The following SCN2A variants were observed in gnomAD, a reference collection of about 807,000 sequenced individuals.
The protein encoded by SCN2A is sodium channel protein type 2 subunit alpha.
A neutral mutation model predicts 188.7 loss-of-function variants in SCN2A; 20 were observed. The ratio of observed to expected loss-of-function variants is 0.11; its 90% CI spans 0.07 to 0.15. The LOEUF (loss-of-function observed/expected upper bound fraction) is 0.15. Ranked by LOEUF, SCN2A falls within the 10% of genes least tolerant of loss-of-function variation. The pLI, the probability that SCN2A is intolerant of heterozygous loss-of-function variation, is 1.00. For missense variants in SCN2A, 1,278 were observed against 2,445.0 expected (o/e 0.52, Z 10.07); for synonymous variants, 804 against 833.1 (o/e 0.97, Z 0.60).
Position 165,342,929 on chromosome 2 carries a change from G to C in SCN2A, c.2562+460G>C, listed in dbSNP as rs367836780. ...CAGGGGATAGTGTACAAAGGAGAAG[G>C]ATAAGCAAACAGAGCTCCCCATATG... On this transcript the variant is annotated intron_variant, in intron 15 of 26. Coordinates refer to ENST00000375437, the MANE Select transcript of SCN2A (RefSeq NM_001040142.2). Among the ~76,000 whole-genome samples, 5 of 152,102 alleles carry C rather than the reference G, an allele frequency of 3.3e-5. No individual in the cohort carries two copies. The South Asian group carries it at 1.0e-3, about 32-fold the overall frequency.
At chr2:165,315,430 T>A (rs1159911231) in intron 10 of SCN2A, 41 bp from the exon 11 acceptor site, 1 of 1,612,040 alleles carries the variant, frequency 6.2e-7, no homozygotes, top group East Asian at 2.2e-5. Flanking sequence ...AATTACTTTT[T>A]AAGTTTATAT....
At chr2:165,365,810 A>G (rs928752900) in intron 18 of SCN2A, among the ~76,000 whole-genome samples, 1 of 152,186 alleles carries the variant, frequency 6.6e-6, no homozygotes, top group African/African-American at 2.4e-5. Flanking sequence ...AAAAATGCCA[A>G]AATATACTAT....
At chr2:165,273,728 C>CT (rs1695202859) in intron 1 of SCN2A, 1 of 152,044 alleles carries the variant, frequency 6.6e-6, no homozygotes, top group Admixed American at 6.6e-5. Flanking sequence ...AATGATGATG[C>CT]TTTGCTTTTG....
At chr2:165,381,047 C>G (rs1206978547) in intron 24 of SCN2A, 46 bp from the exon 25 acceptor site, 1 of 1,322,538 alleles carries the variant, frequency 7.6e-7, no homozygotes, top group South Asian at 1.3e-5. Context: ...GATTTTATAG[C>G]CAGCAAAGAA....
At chr2:165,255,544 G>C (rs1255346495) in intron 1 of SCN2A, among the ~76,000 whole-genome samples, 1 of 151,804 alleles carries the variant, frequency 6.6e-6, no homozygotes, top group East Asian at 1.9e-4. Context: ...TTAAAATATG[G>C]CTCTATGGTT....
intron 13 of SCN2A, among the ~76,000 whole-genome samples, chr2:165,330,317 C>T (rs551144520): frequency 6.6e-4 from 100 of 152,278 alleles, no homozygotes; most frequent in Non-Finnish European, 6.9e-4. Context: ...ACAAATTCTG[C>T]ATATTTTTCC....
intron 1 of SCN2A, among the ~76,000 whole-genome samples, chr2:165,244,420 T>C (rs540367785): frequency 6.6e-6 from 1 of 152,264 alleles, no homozygotes; most frequent in African/African-American, 2.4e-5. Flanking sequence ...ATAATTTTTT[T>C]TTCTGGTAAT....
At chr2:165,377,754 TA>T in intron 23 of SCN2A, 104 bp downstream of exon 23, 1 of 884,240 alleles carries the variant, frequency 1.1e-6, no homozygotes, top group Non-Finnish European at 1.8e-6. Flanking sequence ...GTGCTTAATT[TA>T]TAAAACCCAT....
At chr2:165,295,499 G>T (rs577463422) in intron 1 of SCN2A, among the ~76,000 whole-genome samples, 2 of 152,178 alleles carry the variant, frequency 1.3e-5, no homozygotes, top group Non-Finnish European at 2.9e-5. Flanking sequence ...GCTCTGAATT[G>T]CATATTTTCC....
intron 16 of SCN2A, 118 bp downstream of exon 16, chr2:165,345,029 T>C (rs1699497768): frequency 2.4e-6 from 3 of 1,256,628 alleles, no homozygotes; most frequent in East Asian, 2.4e-5. Flanking sequence ...TATTGTCTAT[T>C]ACTCATGACT....
rs1055219978 is a variant in SCN2A, at chr2:165,331,514, G to A, written c.2334G>A (p.Met778Ile). The A allele has an allele frequency of 3.7e-6, 6 of 1,613,646 alleles. No individual in the cohort carries two copies. The highest frequency in any genetic ancestry group is 1.7e-5 in the Admixed American group (1 of 59,928). ...TCTTAAATACACTCTTCATGGCTAT[G>A]GAGCACTATCCCATGACGGAGCAGT... is the stretch of plus-strand genomic sequence containing the variant. Reference protein sequence around the residue: ...CIVLNTLFMAMEHYPMTEQFS... With the variant: ...CIVLNTLFMAIEHYPMTEQFS... The change falls in exon 14 of 27, where the codon ATG becomes ATA. Residue 778 changes from methionine to isoleucine, a missense_variant. This residue lies in a region of SCN2A where 83 missense variants were observed against 256.8 expected (regional missense o/e 0.32). Transcript: ENST00000375437.
chr2:165,305,145 T>C (rs1312484435), intron 3 of SCN2A, among the ~76,000 whole-genome samples: 4 of 152,176 alleles, frequency 2.6e-5, no homozygotes, highest in African/African-American at 4.8e-5. Flanking sequence ...TAATTAGATA[T>C]GAACGTTTAA....
At chr2:165,302,327 A>C (rs1696858894) in intron 3 of SCN2A, among the ~76,000 whole-genome samples, 1 of 152,194 alleles carries the variant, frequency 6.6e-6, no homozygotes, top group Non-Finnish European at 1.5e-5. Flanking sequence ...GCTGGCTCAG[A>C]AATATGCACT....
chr2:165,324,169 G>A (rs890656555), intron 12 of SCN2A, among the ~76,000 whole-genome samples: 15 of 152,128 alleles, frequency 9.9e-5, no homozygotes, highest in African/African-American at 3.6e-4. Context: ...AAGGATTTCA[G>A]CTACATACTA....
chr2:165,392,147 A>G lies in SCN2A; in HGVS notation c.*2323A>G, dbSNP rs1029553009. On this transcript the variant is annotated 3_prime_UTR_variant, in exon 27 of 27. Transcript: ENST00000375437. Reference sequence around the variant, plus strand: ...TCTGAAAAACAAATGTAAAGAACACACATTAATTACTATAATTCATCTTTC... The same window carrying G: ...TCTGAAAAACAAATGTAAAGAACACGCATTAATTACTATAATTCATCTTTC... The G allele has an allele frequency of 1.3e-5, 2 of 152,576 alleles. No individual in the cohort carries two copies. Among genetic ancestry groups the G allele is most frequent in the Non-Finnish European group, 2.9e-5 (2 of 67,986 alleles). The allele number at this position is 152,576 out of a possible 1,614,324, so 9.5% of individuals were successfully genotyped here. A position where few individuals can be genotyped will look rare whatever the true frequency, so the allele number is the denominator to read the frequency against.
chr2:165,254,786 C>T (rs1474381771), intron 1 of SCN2A, among the ~76,000 whole-genome samples: 1 of 151,660 alleles, frequency 6.6e-6, no homozygotes, highest in Non-Finnish European at 1.5e-5. Context: ...TTCATGTCTT[C>T]TACAATTAAC....
At position 165,331,500 on chromosome 2, in the gene SCN2A, C is replaced by G. The variant is rs1458651318; in HGVS notation, c.2320C>G (p.Leu774Val). 6.2e-7 allele frequency: 1 copy of G among 1,613,806 alleles called. No individual in the cohort carries two copies. Among genetic ancestry groups the G allele is most frequent in the Non-Finnish European group, 8.5e-7 (1 of 1,179,756 alleles). Residue 774 changes from leucine to valine, a missense_variant, in exon 14 of 27, where the codon CTC (leucine) becomes GTC (valine). Around this residue, in one of 17 missense-constraint regions of SCN2A, gnomAD observed 83 missense variants for 256.8 expected, o/e 0.32. Transcript: ENST00000375437. ...CACCATCTGCATTGTCTTAAATACA[C>G]TCTTCATGGCTATGGAGCACTATCC... ...AITICIVLNT[L>V]FMAMEHYPMT...
At chr2:165,341,525 A>G (rs1699321568) in intron 14 of SCN2A, among the ~76,000 whole-genome samples, 2 of 152,244 alleles carry the variant, frequency 1.3e-5, no homozygotes, top group South Asian at 4.1e-4. Context: ...AGGAAAACAC[A>G]TAACACAATT....
intron 1 of SCN2A, chr2:165,294,023 A>AAAAG (rs1696357757): frequency 1.1e-6 from 1 of 884,996 alleles, no homozygotes; most frequent in Admixed American, 7.0e-5. Context: ...AAAAAAAAAA[A>AAAAG]AAAAAAAAAA....
Sources: allele counts gnomAD v4.1 joint callset (sites outside exome capture counted in the v4.1 genomes callset), GRCh38; gene constraint gnomAD v4.1.1; regional missense constraint gnomAD v4.1.1; transcripts MANE v1.5; gene names NCBI Gene and HGNC (gene_info 2026-07-23, HGNC 2026-07-21).